Variants in GNG4 observed in about 807,000 individuals in gnomAD.
The protein encoded by GNG4 is guanine nucleotide-binding protein G(I)/G(S)/G(O) subunit gamma-4.
In GNG4, 4 loss-of-function variants were observed where a neutral mutation model predicts 5.8. That is an observed-to-expected ratio of 0.69 (90% CI 0.34 to 1.57). The LOEUF (loss-of-function observed/expected upper bound fraction) is 1.57, where lower values mean the gene tolerates loss of function less well. GNG4 is among the 40% of genes most tolerant of loss of function. The pLI, the probability that GNG4 is intolerant of heterozygous loss-of-function variation, is 0.06. For synonymous variants in GNG4, 29 were observed against 32.9 expected, an observed-to-expected ratio of 0.88 and a Z score of 0.41; for missense variants, 96 against 95.1, an observed-to-expected ratio of 1.01 and a Z score of -0.04.
chr1:235,628,244 T>C (rs1187276812), intron 1 of GNG4, among the ~76,000 whole-genome samples: 1 of 152,150 alleles, frequency 6.6e-6, no homozygotes, highest in Non-Finnish European at 1.5e-5. Flanking sequence ...CCAAGAGTCT[T>C]TCTGGCTTTT....
At chr1:235,572,320 C>T (rs929224880) in intron 3 of GNG4, among the ~76,000 whole-genome samples, 4 of 152,118 alleles carry the variant, frequency 2.6e-5, no homozygotes, top group Non-Finnish European at 5.9e-5. Flanking sequence ...TTGCCTCAGC[C>T]TCCCAAGTAG....
intron 1 of GNG4, among the ~76,000 whole-genome samples, chr1:235,622,849 T>C (rs1215748784): frequency 8.2e-6 from 1 of 122,638 alleles, no homozygotes; most frequent in African/African-American, 3.4e-5. Flanking sequence ...CACTCTAGCC[T>C]GGTGACAGAG....
chr1:235,598,794 C>T (rs1290617926), intron 1 of GNG4, among the ~76,000 whole-genome samples: 2 of 149,204 alleles, frequency 1.3e-5, no homozygotes, highest in South Asian at 2.1e-4. Context: ...GGTGTGATCT[C>T]GGCTCACTGC....
intron 1 of GNG4, among the ~76,000 whole-genome samples, chr1:235,598,164 T>G (rs1229537990): frequency 6.6e-6 from 1 of 152,200 alleles, no homozygotes; most frequent in African/African-American, 2.4e-5. Flanking sequence ...CCTCTGGGAA[T>G]GTACAGAGAC....
chr1:235,613,441 A>C (rs1029524148), intron 1 of GNG4, among the ~76,000 whole-genome samples: 4 of 152,222 alleles, frequency 2.6e-5, no homozygotes, highest in Non-Finnish European at 5.9e-5. Context: ...AGCTGACCTT[A>C]AGACAGGCAG....
At chr1:235,619,593 G>C (rs1688666920) in intron 1 of GNG4, among the ~76,000 whole-genome samples, 1 of 152,210 alleles carries the variant, frequency 6.6e-6, no homozygotes. Flanking sequence ...TGAGATTCTA[G>C]ATGAAATATC....
intron 3 of GNG4, among the ~76,000 whole-genome samples, chr1:235,552,656 T>G (rs1408008391): frequency 2.0e-5 from 3 of 152,260 alleles, no homozygotes. Context: ...GTTGTTTTAT[T>G]GCAATCCACT....
chr1:235,559,012 A>G (rs186732100), intron 3 of GNG4, among the ~76,000 whole-genome samples: 13 of 152,364 alleles, frequency 8.5e-5, no homozygotes, highest in Admixed American at 7.2e-4. Context: ...TGCCGCAATT[A>G]CTATAGTCAC....
rs894014294 is a variant in GNG4, at chr1:235,649,151, G to A, written c.-123+511C>T. Among the ~76,000 whole-genome samples the A allele has an allele frequency of 6.6e-6, 1 of 152,222 alleles. No individual in the cohort carries two copies. Among genetic ancestry groups the A allele is most frequent in the African/African-American group, 2.4e-5 (1 of 41,460 alleles). ...TGCGGTGGCTCCAGCGTCACCCCGA[G>A]TGCTCCCGAGGCGGCGTCTGGGCTG... On this transcript the variant is annotated intron_variant, in intron 1 of 3. Transcript: ENST00000391854. The surrounding 1 kb of genome is among the most constrained non-coding windows in gnomAD (Gnocchi z 5.7).
chr1:235,620,019 T>C (rs1472041556), intron 1 of GNG4, among the ~76,000 whole-genome samples: 1 of 152,212 alleles, frequency 6.6e-6, no homozygotes, highest in African/African-American at 2.4e-5. Flanking sequence ...CACAGCTATA[T>C]TAAGAAATTT....
intron 1 of GNG4, among the ~76,000 whole-genome samples, chr1:235,626,643 T>A (rs569256681): frequency 2.8e-4 from 43 of 152,264 alleles, no homozygotes; most frequent in African/African-American, 9.6e-4. Flanking sequence ...CCGTGACCAT[T>A]GCTGCCAAGA....
chr1:235,569,873 C>T (rs1045381797), intron 3 of GNG4, among the ~76,000 whole-genome samples: 1 of 152,028 alleles, frequency 6.6e-6, no homozygotes, highest in Non-Finnish European at 1.5e-5. Flanking sequence ...GCCTCTTCTG[C>T]CTATATTCTT....
At chr1:235,593,738 T>C (rs1394968180) in intron 2 of GNG4, among the ~76,000 whole-genome samples, 1 of 152,056 alleles carries the variant, frequency 6.6e-6, no homozygotes, top group African/African-American at 2.4e-5. Context: ...GTTACAGCTC[T>C]TAAGGCGGCG....
chr1:235,612,718 T>C (rs1412442781), intron 1 of GNG4, among the ~76,000 whole-genome samples: 1 of 152,170 alleles, frequency 6.6e-6, no homozygotes, highest in Non-Finnish European at 1.5e-5. Context: ...AGATGGGGTT[T>C]CGCTATGTTA....
rs1686672104 is a variant in GNG4, at chr1:235,549,199, A to G, written c.*2910T>C. ...CAGAAAGAGACTCTGTCTCAAAAAC[A>G]AAAACAAAAACAAAAAAAGAAGAGG... On this transcript the variant is annotated 3_prime_UTR_variant, in exon 4 of 4. Transcript: ENST00000391854. 6.5e-6 allele frequency: 1 copy of G among 153,200 alleles called. No homozygotes were observed. Among genetic ancestry groups the G allele is most frequent in the African/African-American group, 2.4e-5 (1 of 41,430 alleles). The allele number at this position is 153,200 out of a possible 1,614,324, so 9.5% of individuals were successfully genotyped here. A position where few individuals can be genotyped will look rare whatever the true frequency, so the allele number is the denominator to read the frequency against.
At chr1:235,588,151 T>C (rs1331269765) in intron 2 of GNG4, among the ~76,000 whole-genome samples, 5 of 152,006 alleles carry the variant, frequency 3.3e-5, no homozygotes, top group Non-Finnish European at 7.4e-5. Flanking sequence ...TGCCCTACCC[T>C]CTCCGCAGAG....
chr1:235,556,913 C>G (rs1485695948), intron 3 of GNG4, among the ~76,000 whole-genome samples: 1 of 151,920 alleles, frequency 6.6e-6, no homozygotes, highest in Non-Finnish European at 1.5e-5. Context: ...AGCTTGCAAC[C>G]TAGATCCCTC....
intron 3 of GNG4, among the ~76,000 whole-genome samples, chr1:235,570,483 G>A (rs1687305016): frequency 1.5e-5 from 2 of 135,784 alleles, no homozygotes; most frequent in South Asian, 2.4e-4. Flanking sequence ...TGCAACCTCC[G>A]CCTCCCGGGT....
intron 2 of GNG4, among the ~76,000 whole-genome samples, chr1:235,589,972 T>C (rs750437054): frequency 2.0e-5 from 3 of 152,078 alleles, no homozygotes; most frequent in Non-Finnish European, 4.4e-5. Flanking sequence ...ACTTCACAGG[T>C]CAGTAGACCG....
Sources: allele counts gnomAD v4.1 joint callset (sites outside exome capture counted in the v4.1 genomes callset), GRCh38; gene constraint gnomAD v4.1.1; non-coding constraint Gnocchi (gnomAD v3.1); transcripts MANE v1.5; gene names NCBI Gene and HGNC (gene_info 2026-07-23, HGNC 2026-07-21).